The following HMCN1 variants were observed in gnomAD, a reference collection of about 807,000 sequenced individuals.
HMCN1 encodes hemicentin-1.
Under a neutral mutation model 625.9 loss-of-function variants are expected in HMCN1, and 321 were observed. The observed-to-expected ratio is 0.51, with a 90% confidence interval of 0.47 to 0.56. HMCN1 has a LOEUF of 0.56. Ranked by LOEUF, HMCN1 falls within the 20% of genes least tolerant of loss-of-function variation. The pLI is 0.00. For missense variants in HMCN1, 6,588 were observed against 6,887.3 expected, an observed-to-expected ratio of 0.96 and a Z score of 1.54; for synonymous variants, 2,425 against 2,417.6, an observed-to-expected ratio of 1.00 and a Z score of -0.09.
At chr1:186,005,119 T>C (rs1043119520) in intron 29 of HMCN1, among the ~76,000 whole-genome samples, 3 of 150,340 alleles carry the variant, frequency 2.0e-5, no homozygotes, top group African/African-American at 7.4e-5. Context: ...TTATAAATGT[T>C]TATAAACAAT....
chr1:186,128,353 C>G, intron 83 of HMCN1, 62 bp downstream of exon 83: 2 of 1,307,382 alleles, frequency 1.5e-6, no homozygotes, highest in South Asian at 2.4e-5. Context: ...AGACGAAGCT[C>G]TGTTTCCTCC....
rs113542991 is a variant in HMCN1, at chr1:186,065,025, A to G, written c.7514-213A>G. ...GATGAACACTAACCTACATTTGAAA[A>G]TGATTTATAATCTATGCATATTTTT... is the stretch of plus-strand genomic sequence containing the variant. On this transcript the variant is annotated intron_variant, in intron 48 of 106. Transcript: ENST00000271588. Among the ~76,000 whole-genome samples the G allele has an allele frequency of 8.1e-3, 1,236 of 152,238 alleles. 19 individuals are homozygous for G. The highest frequency in any genetic ancestry group is 0.029 in the African/African-American group (1,193 of 41,544).
intron 50 of HMCN1, among the ~76,000 whole-genome samples, chr1:186,068,460 A>T (rs1658265839): frequency 1.3e-5 from 2 of 152,200 alleles, no homozygotes; most frequent in Admixed American, 1.3e-4. Flanking sequence ...TGACAGTCTT[A>T]TATTGAGAAG....
chr1:186,145,375 T>G, intron 91 of HMCN1, 28 bp from the exon 92 acceptor site: 3 of 1,527,602 alleles, frequency 2.0e-6, no homozygotes, highest in Non-Finnish European at 2.6e-6. Context: ...GGGGCTCTGT[T>G]TTCATCTCAG....
chr1:186,002,377 C>A (rs1193892835), intron 28 of HMCN1, among the ~76,000 whole-genome samples: 2 of 152,054 alleles, frequency 1.3e-5, no homozygotes, highest in Non-Finnish European at 2.9e-5. Context: ...TTGCTCCTTA[C>A]AATGGGCACA....
chr1:185,756,584 G>A (rs2102109278), intron 1 of HMCN1, among the ~76,000 whole-genome samples: 1 of 152,126 alleles, frequency 6.6e-6, no homozygotes, highest in South Asian at 2.1e-4. Context: ...CATAGCAAGT[G>A]ACCAATAAAT....
intron 38 of HMCN1, 137 bp from the exon 39 acceptor site, chr1:186,039,591 A>T (rs1371618972): frequency 6.0e-6 from 5 of 828,752 alleles, no homozygotes; most frequent in Non-Finnish European, 1.0e-5. Context: ...AATAAGAGAG[A>T]TGTGAAAGAA....
intron 19 of HMCN1, among the ~76,000 whole-genome samples, chr1:185,986,826 CA>C (rs1239432106): frequency 0.064 from 3,849 of 60,246 alleles, 73 homozygotes; most frequent in South Asian, 0.13. Flanking sequence ...GACCCTGTCT[CA>C]AAAAAAAAAA....
intron 100 of HMCN1, among the ~76,000 whole-genome samples, 157 bp downstream of exon 100, chr1:186,167,099 C>G (rs1651928972): frequency 6.6e-6 from 1 of 152,186 alleles, no homozygotes; most frequent in Non-Finnish European, 1.5e-5. Context: ...ACTCCTGTCT[C>G]TCCGGAGGAC....
At chr1:186,070,829 A>T in intron 52 of HMCN1, 72 bp downstream of exon 52, 1 of 1,410,388 alleles carries the variant, frequency 7.1e-7, no homozygotes, top group Non-Finnish European at 1.0e-6. Flanking sequence ...AGAAATAATA[A>T]AATAGACACA....
At chr1:185,937,837 C>G (rs553127785) in intron 11 of HMCN1, among the ~76,000 whole-genome samples, 1 of 150,924 alleles carries the variant, frequency 6.6e-6, no homozygotes, top group African/African-American at 2.4e-5. Flanking sequence ...GTCAAGATCA[C>G]GCCTCTGCAC....
At position 185,977,894 on chromosome 1, in the gene HMCN1, C is replaced by A; in HGVS notation, c.2479C>A (p.Arg827=). Reference sequence around the variant, plus strand: ...TTATCCAGAACCAACAATCAAATGGCGAAGATTAGACAACATGCCAATTTT... The same window carrying A: ...TTATCCAGAACCAACAATCAAATGGAGAAGATTAGACAACATGCCAATTTT... The part of the protein sequence containing the change: ...QGYPEPTIKW[R]RLDNMPIFSR... Residue 827 remains arginine, a synonymous_variant, in exon 16 of 107, where the codon CGA becomes AGA. Coordinates refer to ENST00000271588, the MANE Select transcript of HMCN1 (RefSeq NM_031935.3). 6.2e-7 allele frequency: 1 copy of A among 1,613,122 alleles called. No individual in the cohort carries two copies. The highest frequency in any genetic ancestry group is 1.7e-4 in the Middle Eastern group (1 of 6,056).
At chr1:186,112,699 G>A (rs1047837977) in intron 71 of HMCN1, 113 bp from the exon 72 acceptor site, 3 of 1,283,862 alleles carry the variant, frequency 2.3e-6, no homozygotes, top group African/African-American at 3.0e-5. Flanking sequence ...GACAAAGCAT[G>A]CTGACAGACA....
At chr1:186,139,556 T>C (rs1203749783) in intron 89 of HMCN1, among the ~76,000 whole-genome samples, 2 of 152,092 alleles carry the variant, frequency 1.3e-5, no homozygotes, top group Non-Finnish European at 2.9e-5. Flanking sequence ...TACTGTCTGT[T>C]TGGTTACTTA....
chr1:186,053,887 C>A lies in HMCN1; in HGVS notation c.6763C>A (p.Gln2255Lys). The change falls in exon 44 of 107, where the codon CAA becomes AAA. Residue 2255 changes from glutamine (Q) to lysine (K), a missense_variant. This residue lies in a region of HMCN1 where 4,628 missense variants were observed against 4,853.1 expected (regional missense o/e 0.95). Transcript: ENST00000271588. ...AATTTTATCTGGGGGCAGGCAATTA[C>A]AAATTTCAATTGCTGAAAAGTCTGA... ...VRILSGGRQL[Q>K]ISIAEKSDAA... is the part of the protein sequence containing the mutation. The A allele has an allele frequency of 1.9e-6, 3 of 1,612,642 alleles. No homozygotes were observed. Among genetic ancestry groups the A allele is most frequent in the South Asian group, 2.2e-5 (2 of 91,066 alleles).
At chr1:186,019,903 G>A (rs1045853602) in intron 35 of HMCN1, among the ~76,000 whole-genome samples, 1 of 151,940 alleles carries the variant, frequency 6.6e-6, no homozygotes, top group Non-Finnish European at 1.5e-5. Context: ...CTTTAACAAT[G>A]ATACTGATTT....
chr1:186,172,141 T>C lies in HMCN1; in HGVS notation c.15814+10T>C, dbSNP rs1176079236. 6.2e-7 allele frequency: 1 copy of C among 1,613,404 alleles called. No homozygotes were observed. Among genetic ancestry groups the C allele is most frequent in the Non-Finnish European group, 8.5e-7 (1 of 1,179,548 alleles). The stretch of plus-strand genomic sequence containing the variant: ...AATGGAACCTGTATTGGTGAGTGTC[T>C]GGCTGTTTCCGTGACTGAGATCAGT... On this transcript the variant is annotated intron_variant, in intron 102 of 106. Coordinates refer to ENST00000271588, the MANE Select transcript of HMCN1 (RefSeq NM_031935.3).
intron 100 of HMCN1, among the ~76,000 whole-genome samples, chr1:186,170,761 A>G (rs1652176411): frequency 6.6e-6 from 1 of 152,196 alleles, no homozygotes. Flanking sequence ...TACACAAACC[A>G]CAGGCAAGTC....
chr1:186,034,078 C>T (rs1020142381), intron 36 of HMCN1, among the ~76,000 whole-genome samples: 1 of 152,112 alleles, frequency 6.6e-6, no homozygotes, highest in African/African-American at 2.4e-5. Context: ...TCTGGATGAA[C>T]CCAATGTAAT....
Sources: gnomAD v4.1 joint callset for allele counts (sites outside exome capture counted in the v4.1 genomes callset) on GRCh38, gnomAD v4.1.1 for gene constraint, gnomAD v4.1.1 regional missense constraint, MANE v1.5 for transcripts, NCBI Gene and HGNC (gene_info 2026-07-23, HGNC 2026-07-21) for gene names.